The following ADTRP variants were observed in gnomAD, a reference collection of about 807,000 sequenced individuals.
ADTRP encodes the protein androgen dependent TFPI regulating protein.
A neutral mutation model predicts 27.0 loss-of-function variants in ADTRP; 20 were observed. That is an observed-to-expected ratio of 0.74 (90% CI 0.52 to 1.08). The LOEUF is 1.08. Ranked by LOEUF, ADTRP falls within the 50% of genes least tolerant of loss-of-function variation. The pLI is 0.00. For missense variants in ADTRP, 251 were observed against 275.0 expected (o/e 0.91, Z 0.62); for synonymous variants, 101 against 105.2 (o/e 0.96, Z 0.25).
At chr6:11,733,070 G>T (rs1762437487) in intron 4 of ADTRP, among the ~76,000 whole-genome samples, 1 of 152,162 alleles carries the variant, frequency 6.6e-6, no homozygotes, top group Non-Finnish European at 1.5e-5. Flanking sequence ...TACCCTACTG[G>T]AGATTTAGTT....
chr6:11,730,834 G>T (rs1043598645), intron 4 of ADTRP, among the ~76,000 whole-genome samples: 8 of 152,240 alleles, frequency 5.3e-5, no homozygotes, highest in Admixed American at 5.2e-4. Flanking sequence ...GACACCTGCA[G>T]CATCAGTAGG....
At chr6:11,729,586 G>A (rs1762320074) in intron 4 of ADTRP, among the ~76,000 whole-genome samples, 1 of 151,984 alleles carries the variant, frequency 6.6e-6, no homozygotes, top group South Asian at 2.1e-4. Flanking sequence ...GTCACTCCAC[G>A]AGGGTTCAAC....
At chr6:11,749,279 G>A (rs1175387978) in intron 3 of ADTRP, among the ~76,000 whole-genome samples, 1 of 152,146 alleles carries the variant, frequency 6.6e-6, no homozygotes, top group East Asian at 1.9e-4. Flanking sequence ...CAGAACAGAT[G>A]AGAATATAAT....
intron 5 of ADTRP, among the ~76,000 whole-genome samples, chr6:11,716,512 T>G (rs991992723): frequency 6.6e-6 from 1 of 152,116 alleles, no homozygotes; most frequent in African/African-American, 2.4e-5. Context: ...TGTTCCCAAA[T>G]GGGTCTCTGT....
chr6:11,715,273 A>G (rs1247518778), intron 5 of ADTRP, among the ~76,000 whole-genome samples: 1 of 152,238 alleles, frequency 6.6e-6, no homozygotes, highest in Admixed American at 6.5e-5. Context: ...TCCTAATTCC[A>G]TGATTCACCC....
intron 3 of ADTRP, among the ~76,000 whole-genome samples, chr6:11,739,334 C>T (rs1316144896): frequency 6.6e-6 from 1 of 152,138 alleles, no homozygotes. Flanking sequence ...GTGGAGCTAT[C>T]TTTCCTTGTC....
At chr6:11,767,540 CTAATTATAG>C (rs1763614803) in intron 2 of ADTRP, 1 of 152,234 alleles carries the variant, frequency 6.6e-6, no homozygotes, top group Non-Finnish European at 1.5e-5. Context: ...GTAGTCATTT[CTAATTATAG>C]GCCCTGCTGG....
At chr6:11,760,829 T>A (rs1763370952) in intron 3 of ADTRP, among the ~76,000 whole-genome samples, 1 of 152,226 alleles carries the variant, frequency 6.6e-6, no homozygotes, top group Non-Finnish European at 1.5e-5. Flanking sequence ...TCCTTCCCTG[T>A]GGCTTAGGCT....
chr6:11,768,181 C>G, intron 2 of ADTRP, 68 bp downstream of exon 2: 1 of 1,570,706 alleles, frequency 6.4e-7, no homozygotes, highest in Non-Finnish European at 8.7e-7. Flanking sequence ...AACAGCTTGG[C>G]TGCCCAGGAG....
chr6:11,729,111 G>A (rs934000349), intron 4 of ADTRP, among the ~76,000 whole-genome samples: 2 of 152,164 alleles, frequency 1.3e-5, no homozygotes, highest in African/African-American at 4.8e-5. Flanking sequence ...CGTCTTATCA[G>A]TAGAGAAATA....
At chr6:11,739,611 T>C (rs1395028206) in intron 3 of ADTRP, among the ~76,000 whole-genome samples, 2 of 152,164 alleles carry the variant, frequency 1.3e-5, no homozygotes, top group East Asian at 3.8e-4. Flanking sequence ...TACCAGCCCA[T>C]GGAAAATTTG....
At chr6:11,763,118 T>G (rs2235394) in intron 3 of ADTRP, among the ~76,000 whole-genome samples, 91,442 of 152,112 alleles carry the variant, frequency 0.6, 27,601 homozygotes, top group Admixed American at 0.64. Context: ...AATATCTCAC[T>G]GATGTTTCTA....
intron 3 of ADTRP, among the ~76,000 whole-genome samples, chr6:11,743,055 T>C (rs1160803000): frequency 1.3e-5 from 2 of 152,234 alleles, no homozygotes; most frequent in East Asian, 1.9e-4. Context: ...CCAGCCCTTC[T>C]GTATTTGCAA....
At chr6:11,767,911 T>C in intron 2 of ADTRP, 2 of 219,176 alleles carry the variant, frequency 9.1e-6, no homozygotes, top group Non-Finnish European at 1.8e-5. Flanking sequence ...GTCATCTCCC[T>C]CCCCAGGGCT....
At chr6:11,744,316 T>C (rs1762802749) in intron 3 of ADTRP, among the ~76,000 whole-genome samples, 2 of 152,220 alleles carry the variant, frequency 1.3e-5, no homozygotes, top group Admixed American at 6.5e-5. Context: ...AATAAACCTC[T>C]TTTCTTTGTA....
At position 11,760,435 on chromosome 6, in the gene ADTRP, T is replaced by C. The variant is rs547642541; in HGVS notation, c.390+5839A>G. Among the ~76,000 whole-genome samples the C allele has an allele frequency of 7.2e-5, 11 of 152,300 alleles. No individual in the cohort carries two copies. In the East Asian group the frequency reaches 9.6e-4, roughly 13 times the overall value. ...TACACTGAGCTCCAAGAGACGACACTGCACTGGGTTTCCTCCTAGCTCACT... is the reference window on the plus strand; with the variant it reads ...TACACTGAGCTCCAAGAGACGACACCGCACTGGGTTTCCTCCTAGCTCACT... On this transcript the variant is annotated intron_variant, in intron 3 of 5. Transcript: ENST00000414691.
intron 3 of ADTRP, among the ~76,000 whole-genome samples, chr6:11,755,746 G>C (rs920003593): frequency 1.3e-5 from 2 of 152,206 alleles, no homozygotes; most frequent in Non-Finnish European, 2.9e-5. Context: ...AGGGTGGCTA[G>C]AAAGTTGTTT....
intron 5 of ADTRP, among the ~76,000 whole-genome samples, chr6:11,719,325 T>C (rs980795116): frequency 1.3e-5 from 2 of 152,130 alleles, no homozygotes; most frequent in African/African-American, 4.8e-5. Flanking sequence ...TTCCCCAAGA[T>C]CCTCATTTTG....
chr6:11,720,431 C>T (rs1581306743), intron 5 of ADTRP, among the ~76,000 whole-genome samples: 2 of 151,938 alleles, frequency 1.3e-5, no homozygotes, highest in Admixed American at 1.3e-4. Flanking sequence ...AAGTGCATTG[C>T]CACAGAATAC....
Sources: allele counts gnomAD v4.1 joint callset (sites outside exome capture counted in the v4.1 genomes callset), GRCh38; gene constraint gnomAD v4.1.1; transcripts MANE v1.5; gene names NCBI Gene and HGNC (gene_info 2026-07-23, HGNC 2026-07-21).